FAM107A: variants seen among roughly 807,000 people sequenced by gnomAD.
The protein encoded by FAM107A is family with sequence similarity 107 member A, also known as actin-associated protein FAM107A.
Under a neutral mutation model 13.7 loss-of-function variants are expected in FAM107A, and 19 were observed. The observed-to-expected ratio is 1.38, with a 90% CI of 0.97 to 2.03. The LOEUF is 2.03. Among genes scored for constraint, FAM107A ranks in the 30% most tolerant of loss-of-function variants. FAM107A has a pLI of 0.00. For synonymous variants in FAM107A, 82 were observed against 74.5 expected, an observed-to-expected ratio of 1.10 and a Z score of -0.52; for missense variants, 203 against 184.4, an observed-to-expected ratio of 1.10 and a Z score of -0.58.
At chr3:58,571,940 G>C (rs981180811) in intron 1 of FAM107A, among the ~76,000 whole-genome samples, 5 of 152,148 alleles carry the variant, frequency 3.3e-5, no homozygotes, top group African/African-American at 1.2e-4. Flanking sequence ...TGTTGCCAAA[G>C]TGATAAGGTA....
intron 1 of FAM107A, among the ~76,000 whole-genome samples, chr3:58,625,291 T>TA (rs941196897): frequency 6.6e-6 from 1 of 152,122 alleles, no homozygotes; most frequent in African/African-American, 2.4e-5. Flanking sequence ...CCTAATTCCC[T>TA]AAGAGCTAAA....
intron 1 of FAM107A, among the ~76,000 whole-genome samples, chr3:58,572,152 C>T (rs557309677): frequency 3.9e-5 from 6 of 151,964 alleles, no homozygotes; most frequent in Admixed American, 1.3e-4. Flanking sequence ...TGAGAAAGTG[C>T]GTAATAATAA....
chr3:58,599,426 A>G (rs2065733988), intron 1 of FAM107A, among the ~76,000 whole-genome samples: 1 of 152,210 alleles, frequency 6.6e-6, no homozygotes, highest in Non-Finnish European at 1.5e-5. Context: ...TGCATTTTCC[A>G]TACTTGCCAT....
At chr3:58,571,264 T>G (rs1264220262) in intron 1 of FAM107A, among the ~76,000 whole-genome samples, 2 of 152,196 alleles carry the variant, frequency 1.3e-5, no homozygotes, top group African/African-American at 4.8e-5. Flanking sequence ...CATCACAGGC[T>G]GCTGTTAGGA....
At chr3:58,592,534 C>G (rs1476538359) in intron 1 of FAM107A, among the ~76,000 whole-genome samples, 4 of 152,210 alleles carry the variant, frequency 2.6e-5, no homozygotes, top group Admixed American at 6.5e-5. Context: ...CTTCCCTTCT[C>G]TCAGACATAA....
chr3:58,611,970 TC>T (rs34148953), intron 1 of FAM107A, among the ~76,000 whole-genome samples: 20 of 151,136 alleles, frequency 1.3e-4, no homozygotes, highest in Middle Eastern at 3.4e-3. Context: ...TGGTTTTTTT[TC>T]TTCTTCTTTT....
At chr3:58,594,476 A>G (rs2065682109) in intron 1 of FAM107A, among the ~76,000 whole-genome samples, 1 of 152,160 alleles carries the variant, frequency 6.6e-6, no homozygotes, top group South Asian at 2.1e-4. Context: ...TGGGTGCAAG[A>G]CATCTCTTTT....
rs1360823413 is a variant in FAM107A at position 58,618,519 on chromosome 3, G to T, written c.-70+8897C>A. Among the ~76,000 whole-genome samples, 3 of 152,224 alleles carry T rather than the reference G, an allele frequency of 2.0e-5. No homozygotes were observed. In the East Asian group the frequency reaches 5.8e-4, roughly 29 times the overall value. On this transcript the variant is annotated intron_variant, in intron 1 of 3. Transcript: ENST00000465970. ...CAGAGAGGGAGGCCATCTTGCCCAG[G>T]GTCCCTCATTCAGGGCCTCTGAGGC... is the stretch of plus-strand genomic sequence containing the variant.
At chr3:58,621,458 C>G (rs1378555995) in intron 1 of FAM107A, among the ~76,000 whole-genome samples, 1 of 152,146 alleles carries the variant, frequency 6.6e-6, no homozygotes, top group Non-Finnish European at 1.5e-5. Context: ...TCATTTTGCA[C>G]TGAGACTTGC....
chr3:58,594,812 T>G (rs1006899836), intron 1 of FAM107A, among the ~76,000 whole-genome samples: 1 of 152,186 alleles, frequency 6.6e-6, no homozygotes, highest in Non-Finnish European at 1.5e-5. Context: ...TCAATCTGGC[T>G]TGATATATGA....
At chr3:58,577,892 G>C (rs780038960), upstream of FAM107A, 1 of 190,650 alleles carries the variant, frequency 5.2e-6, no homozygotes, top group African/African-American at 2.4e-5. This position sits in a 1 kb window ranked among gnomAD's most constrained non-coding sequence, Gnocchi z 4.9. Flanking sequence ...CGTACACAGC[G>C]TTTTCCTGAT....
intron 1 of FAM107A, among the ~76,000 whole-genome samples, chr3:58,625,464 G>A (rs562899145): frequency 9.4e-4 from 143 of 152,278 alleles, no homozygotes; most frequent in Non-Finnish European, 1.9e-3. Flanking sequence ...GAGGGTTTTC[G>A]TGCTCCCTGC....
At chr3:58,624,085 C>T (rs2065985690) in intron 1 of FAM107A, among the ~76,000 whole-genome samples, 1 of 152,200 alleles carries the variant, frequency 6.6e-6, no homozygotes, top group Admixed American at 6.5e-5. Context: ...AGGTGCTTTT[C>T]TTGAACCCAC....
intron 1 of FAM107A, among the ~76,000 whole-genome samples, chr3:58,601,931 G>A (rs2065755907): frequency 6.6e-6 from 1 of 152,176 alleles, no homozygotes; most frequent in African/African-American, 2.4e-5. Flanking sequence ...GGCCGGGAGA[G>A]GGGACTTGGC....
At chr3:58,593,972 TC>T (rs1236024199) in intron 1 of FAM107A, among the ~76,000 whole-genome samples, 1 of 149,432 alleles carries the variant, frequency 6.7e-6, no homozygotes, top group Non-Finnish European at 1.5e-5. Context: ...GTTCCACCCC[TC>T]CCCCCCACCA....
At chr3:58,577,488 T>G, upstream of FAM107A, 1 of 985,378 alleles carries the variant, frequency 1.0e-6, no homozygotes, top group Non-Finnish European at 1.2e-6. This position sits in a 1 kb window ranked among gnomAD's most constrained non-coding sequence, Gnocchi z 4.9. Context: ...CTGTTTATTC[T>G]GGTATCAATA....
chr3:58,589,510 A>G (rs2065638504), upstream of FAM107A, among the ~76,000 whole-genome samples: 1 of 152,056 alleles, frequency 6.6e-6, no homozygotes, highest in African/African-American at 2.4e-5. Flanking sequence ...AATAAACTTT[A>G]TTATTTTTAA....
At chr3:58,602,925 T>G (rs2065764657) in intron 1 of FAM107A, among the ~76,000 whole-genome samples, 1 of 152,208 alleles carries the variant, frequency 6.6e-6, no homozygotes, top group Non-Finnish European at 1.5e-5. Flanking sequence ...TGTCCATACA[T>G]AGGTATGTTA....
upstream of FAM107A, among the ~76,000 whole-genome samples, chr3:58,590,576 G>A (rs1172772803): frequency 2.6e-5 from 4 of 152,188 alleles, no homozygotes; most frequent in Non-Finnish European, 5.9e-5. Flanking sequence ...GAGGCTCCAG[G>A]AACTTATAAT....
Sources: gnomAD v4.1 joint callset for allele counts (sites outside exome capture counted in the v4.1 genomes callset) on GRCh38, gnomAD v4.1.1 for gene constraint, Gnocchi (gnomAD v3.1) non-coding constraint, MANE v1.5 for transcripts, NCBI Gene and HGNC (gene_info 2026-07-23, HGNC 2026-07-21) for gene names.